TRIM66: variants seen among roughly 807,000 people sequenced by gnomAD.
The protein encoded by TRIM66 is tripartite motif-containing protein 66.
Under a neutral mutation model 148.2 loss-of-function variants are expected in TRIM66, and 99 were observed. The ratio of observed to expected loss-of-function variants is 0.67; its 90% CI spans 0.57 to 0.79. TRIM66 has a LOEUF of 0.79. Ranked by LOEUF, TRIM66 falls within the 30% of genes least tolerant of loss-of-function variation. The pLI, the probability that TRIM66 is intolerant of heterozygous loss-of-function variation, is 0.00. For missense variants in TRIM66, 1,666 were observed against 1,697.9 expected, an observed-to-expected ratio of 0.98 and a Z score of 0.33; for synonymous variants, 616 against 635.9, an observed-to-expected ratio of 0.97 and a Z score of 0.47.
chr11:8,664,798 T>G (rs2038486430), intron 6 of TRIM66, among the ~76,000 whole-genome samples: 1 of 152,186 alleles, frequency 6.6e-6, no homozygotes, highest in South Asian at 2.1e-4. Flanking sequence ...TCTGGTTGAA[T>G]GAGAAGATGC....
rs2033619854 is a variant in TRIM66 at position 8,614,794 on chromosome 11, GCATATGGAA to G, written c.*3141_*3149del. 6.6e-6 allele frequency: 1 copy of G among 152,514 alleles called. No homozygotes were observed. The highest frequency in any genetic ancestry group is 1.5e-5 in the Non-Finnish European group (1 of 68,240). The allele number at this position is 152,514 out of a possible 1,614,324, so 9.4% of individuals were successfully genotyped here. On this transcript the variant is annotated 3_prime_UTR_variant, in exon 25 of 25. Transcript: ENST00000646038. ...ATGGCAGGGACTGCCATGGAACAGA[GCATATGGAA>G]GGTATGGTTGCCACTCAGGTAGGGG...
In TRIM66 at chr11:8,624,769, C is replaced by T; in HGVS notation, c.2770G>A (p.Gly924Arg). 1.3e-6 allele frequency: 2 copies of T among 1,549,206 alleles called. No homozygotes were observed. The highest frequency in any genetic ancestry group is 1.7e-6 in the Non-Finnish European group (2 of 1,145,284). Residue 924 changes from glycine to arginine, a missense_variant, in exon 16 of 25, where the codon GGG becomes AGG. By Grantham distance (125) the Gly-to-Arg change is moderately radical. Coordinates refer to ENST00000646038, the MANE Select transcript of TRIM66 (RefSeq NM_001388022.1). ...GSSSSSGRTS[G>R]SLCPRDGADP... ...GCCCCATCTCTGGGACACAGGCTCC[C>T]TGAAGTTCGGCCAGAACTGGAGCTG...
At chr11:8,621,903 T>C in intron 18 of TRIM66, 84 bp from the exon 19 acceptor site, 1 of 1,313,720 alleles carries the variant, frequency 7.6e-7, no homozygotes, top group Non-Finnish European at 1.0e-6. Flanking sequence ...ATGATCCCTG[T>C]GATGATTAAT....
intron 13 of TRIM66, among the ~76,000 whole-genome samples, chr11:8,642,654 G>C (rs2036498110): frequency 6.6e-6 from 1 of 151,950 alleles, no homozygotes. Context: ...TGACCACAGA[G>C]ACACACATTC....
At chr11:8,629,033 C>A (rs1468025709) in intron 15 of TRIM66, among the ~76,000 whole-genome samples, 1 of 152,102 alleles carries the variant, frequency 6.6e-6, no homozygotes, top group African/African-American at 2.4e-5. Flanking sequence ...AGTCTGAGTG[C>A]CAAGACAAGA....
intron 15 of TRIM66, among the ~76,000 whole-genome samples, chr11:8,628,977 T>C (rs764174097): frequency 2.0e-5 from 3 of 152,220 alleles, no homozygotes; most frequent in Non-Finnish European, 4.4e-5. Flanking sequence ...TTTTCCTTAG[T>C]AGTTTAATAG....
chr11:8,677,590 G>A (rs1042057942), intron 3 of TRIM66, among the ~76,000 whole-genome samples: 3 of 152,006 alleles, frequency 2.0e-5, no homozygotes, highest in Non-Finnish European at 4.4e-5. Flanking sequence ...ACCAGCCTGG[G>A]CAACATACAA....
chr11:8,646,910 G>C (rs1045196237), intron 10 of TRIM66, among the ~76,000 whole-genome samples: 1 of 137,542 alleles, frequency 7.3e-6, no homozygotes, highest in Non-Finnish European at 1.5e-5. Flanking sequence ...AATAAATGTC[G>C]CCATGAGGTA....
intron 23 of TRIM66, 152 bp downstream of exon 23, chr11:8,619,231 G>A: frequency 2.1e-6 from 2 of 932,174 alleles, no homozygotes; most frequent in South Asian, 1.8e-5. Context: ...GTGTGGGAGA[G>A]AGCTTTTAAA....
At chr11:8,622,304 T>C (rs2034309559) in intron 18 of TRIM66, among the ~76,000 whole-genome samples, 1 of 139,300 alleles carries the variant, frequency 7.2e-6, no homozygotes, top group Non-Finnish European at 1.6e-5. Flanking sequence ...TATATATATG[T>C]GTGTGTGTAT....
At chr11:8,644,058 G>A (rs1018662837) in intron 12 of TRIM66, among the ~76,000 whole-genome samples, 1 of 152,116 alleles carries the variant, frequency 6.6e-6, no homozygotes, top group African/African-American at 2.4e-5. Context: ...TTCTACCTAT[G>A]AGACCTTTAA....
chr11:8,642,948 G>T, intron 13 of TRIM66, 61 bp downstream of exon 13: 2 of 1,188,554 alleles, frequency 1.7e-6, no homozygotes, highest in Non-Finnish European at 1.2e-6. Flanking sequence ...ACCCAGTAAG[G>T]TAAGCAATTA....
At position 8,615,076 on chromosome 11, in the gene TRIM66, G is replaced by A. The variant is rs1327692097; in HGVS notation, c.*2868C>T. 2.0e-5 allele frequency: 3 copies of A among 152,284 alleles called. No homozygotes were observed. Among genetic ancestry groups the A allele is most frequent in the Non-Finnish European group, 4.4e-5 (3 of 68,178 alleles). 9.4% of individuals were successfully genotyped at this position (152,284 alleles called of 1,614,324 possible). Reference sequence around the variant, plus strand: ...CCCAAGTAGCTGGGATTACAGGCATGTGCCATCACACCTGGCTGATATTTG... The same window carrying A: ...CCCAAGTAGCTGGGATTACAGGCATATGCCATCACACCTGGCTGATATTTG... On this transcript the variant is annotated 3_prime_UTR_variant, in exon 25 of 25. Coordinates refer to ENST00000646038, the MANE Select transcript of TRIM66 (RefSeq NM_001388022.1).
intron 17 of TRIM66, among the ~76,000 whole-genome samples, chr11:8,623,480 T>C (rs533843467): frequency 5.9e-5 from 9 of 152,230 alleles, no homozygotes; most frequent in Non-Finnish European, 1.0e-4. Flanking sequence ...GTTACATTAT[T>C]GTGTGTAATA....
In TRIM66 at chr11:8,617,634, T is replaced by A; in HGVS notation, c.*310A>T. ...GTCTGCTTTCCCAGGCAGAAAAAAA[T>A]TCACCAAGGAAAGTAGGTTTTCCCG... On this transcript the variant is annotated 3_prime_UTR_variant, in exon 25 of 25. Coordinates refer to ENST00000646038, the MANE Select transcript of TRIM66 (RefSeq NM_001388022.1). 1 of 358,738 alleles carries A rather than the reference T, an allele frequency of 2.8e-6. No individual in the cohort carries two copies. The highest frequency in any genetic ancestry group is 4.6e-5 in the East Asian group (1 of 21,638). The allele number at this position is 358,738 out of a possible 1,614,324, so 22.2% of individuals were successfully genotyped here.
Position 8,613,411 on chromosome 11 carries a change from T to C in TRIM66, c.*4533A>G, listed in dbSNP as rs1197778402. ...CAAGACAGCTGAGCACTGAAAGGTA[T>C]TCATTCTATTTGGCAACTGGGCAGT... On this transcript the variant is annotated 3_prime_UTR_variant, in exon 25 of 25. Coordinates refer to ENST00000646038, the MANE Select transcript of TRIM66 (RefSeq NM_001388022.1). 1.3e-5 allele frequency: 2 copies of C among 152,218 alleles called. No individual in the cohort carries two copies. Among genetic ancestry groups the C allele is most frequent in the African/African-American group, 4.8e-5 (2 of 41,426 alleles). 9.4% of individuals were successfully genotyped at this position (152,218 alleles called of 1,614,324 possible).
chr11:8,651,857 A>C lies in TRIM66; in HGVS notation c.387T>G (p.Asp129Glu). 1 of 1,551,754 alleles carries C rather than the reference A, an allele frequency of 6.4e-7. No individual in the cohort carries two copies. Among genetic ancestry groups the C allele is most frequent in the Non-Finnish European group, 8.7e-7 (1 of 1,147,006 alleles). ...PGCERVYLTR[D>E]VTEHFFLHCV... is the part of the protein sequence containing the mutation. ...AATGCAGAAAAAAATGTTCAGTTAC[A>C]TCCCTGGTAAGATATACTCGTTCAC... Residue 129 changes from aspartate to glutamate, a missense_variant, in exon 7 of 25, where the codon GAT becomes GAG. By Grantham distance (45) the Asp-to-Glu change is conservative. Coordinates refer to ENST00000646038, the MANE Select transcript of TRIM66 (RefSeq NM_001388022.1).
At chr11:8,673,542 C>T (rs531965559) in intron 4 of TRIM66, among the ~76,000 whole-genome samples, 1 of 152,236 alleles carries the variant, frequency 6.6e-6, no homozygotes, top group East Asian at 1.9e-4. Context: ...GCATGTTTTA[C>T]AGTACTTGGA....
chr11:8,619,304 T>TAACCTCCC (rs1226280281), intron 23 of TRIM66, 79 bp downstream of exon 23: 5 of 1,427,718 alleles, frequency 3.5e-6, no homozygotes, highest in Non-Finnish European at 4.6e-6. Context: ...AGACCAAACC[T>TAACCTCCC]AACCTCCCAA....
Sources: allele counts gnomAD v4.1 joint callset (sites outside exome capture counted in the v4.1 genomes callset), GRCh38; gene constraint gnomAD v4.1.1; transcripts MANE v1.5; gene names NCBI Gene and HGNC (gene_info 2026-07-23, HGNC 2026-07-21).